The following NRXN3 variants were observed in gnomAD, a reference collection of about 807,000 sequenced individuals.
NRXN3 encodes neurexin 3.
Under a neutral mutation model 137.6 loss-of-function variants are expected in NRXN3, and 32 were observed. That is an observed-to-expected ratio of 0.23 (90% CI 0.18 to 0.31). NRXN3 has a LOEUF of 0.31. Among genes scored for constraint, NRXN3 ranks in the 10% least tolerant of loss-of-function variants. NRXN3 has a pLI of 1.00. For synonymous variants in NRXN3, 798 were observed against 784.5 expected (o/e 1.02, Z -0.29); for missense variants, 1,574 against 2,062.5 (o/e 0.76, Z 4.59).
chr14:78,916,244 C>T (rs1597353247), intron 10 of NRXN3, among the ~76,000 whole-genome samples: 2 of 152,110 alleles, frequency 1.3e-5, no homozygotes, highest in Admixed American at 1.3e-4. Context: ...TATGGTCAAC[C>T]TAATGATACC....
intron 15 of NRXN3, among the ~76,000 whole-genome samples, chr14:79,297,595 C>T (rs752028382): frequency 3.3e-5 from 5 of 151,942 alleles, no homozygotes; most frequent in Admixed American, 1.3e-4. Flanking sequence ...ATTCTGGCAG[C>T]GCATGTAGGC....
chr14:79,581,211 C>G (rs1460672943), intron 16 of NRXN3, among the ~76,000 whole-genome samples: 1 of 152,092 alleles, frequency 6.6e-6, no homozygotes, highest in African/African-American at 2.4e-5. Context: ...TCCTGATTTT[C>G]CAAGTTAGGA....
At chr14:78,678,392 A>G (rs567115558) in intron 6 of NRXN3, among the ~76,000 whole-genome samples, 2 of 151,926 alleles carry the variant, frequency 1.3e-5, no homozygotes, top group African/African-American at 4.8e-5. Context: ...GGCTCAAGCA[A>G]TTGACTCAGC....
chr14:79,092,898 C>T (rs1293632125), intron 15 of NRXN3, among the ~76,000 whole-genome samples: 1 of 152,178 alleles, frequency 6.6e-6, no homozygotes, highest in Non-Finnish European at 1.5e-5. Context: ...GGTCCCCACC[C>T]TGTTACCTTC....
At chr14:79,794,858 C>T (rs1390818864) in intron 19 of NRXN3, among the ~76,000 whole-genome samples, 1 of 152,188 alleles carries the variant, frequency 6.6e-6, no homozygotes, top group African/African-American at 2.4e-5. Flanking sequence ...TGAGGATGAG[C>T]AGCAAGGAAT....
Position 79,375,235 on chromosome 14 carries a change from G to GTTT in NRXN3, c.3263-91972_3263-91970dup, listed in dbSNP as rs35994648. On this transcript the variant is annotated intron_variant, in intron 15 of 20. Transcript: ENST00000335750. ...CTTACCAGTACTTTTGAGTTTTTGT[G>GTTT]TTTTTTTTTTTTTTTTCCTTAAACA... 5.1e-3 allele frequency among the ~76,000 whole-genome samples: 660 copies of GTTT among 129,960 alleles called. 5 individuals are homozygous for GTTT. Among genetic ancestry groups the GTTT allele is most frequent in the African/African-American group, 0.017 (607 of 34,762 alleles). 85.3% of individuals were successfully genotyped at this position (129,960 alleles called of 152,430 possible).
chr14:78,426,834 G>C (rs1373881949), intron 4 of NRXN3, among the ~76,000 whole-genome samples: 1 of 152,022 alleles, frequency 6.6e-6, no homozygotes, highest in Non-Finnish European at 1.5e-5. Flanking sequence ...CTGTATTTTG[G>C]GGTAGTGTGT....
At chr14:78,705,003 C>T (rs1042370895) in intron 6 of NRXN3, among the ~76,000 whole-genome samples, 3 of 152,276 alleles carry the variant, frequency 2.0e-5, no homozygotes, top group Admixed American at 1.3e-4. Context: ...GTTTTACTGT[C>T]TGGTCTCCTA....
At chr14:79,687,414 G>T (rs2098699882) in intron 17 of NRXN3, among the ~76,000 whole-genome samples, 1 of 152,144 alleles carries the variant, frequency 6.6e-6, no homozygotes, top group Non-Finnish European at 1.5e-5. Context: ...TTCTTTGGGG[G>T]AAGAGACATG....
Position 79,149,564 on chromosome 14 carries a change from C to T in NRXN3, c.3262+161423C>T, listed in dbSNP as rs148262475. 3.9e-5 allele frequency among the ~76,000 whole-genome samples: 6 copies of T among 152,122 alleles called. No individual in the cohort carries two copies. In the East Asian group the frequency reaches 1.2e-3, roughly 30 times the overall value. ...ATAAAGAGACATGCATGCGTATATT[C>T]ATTGTGGCACTATTCACAATAGTAA... On this transcript the variant is annotated intron_variant, in intron 15 of 20. Coordinates refer to ENST00000335750, the MANE Select transcript of NRXN3 (RefSeq NM_001330195.2).
At chr14:79,409,643 A>ATATATATC (rs1191764607) in intron 15 of NRXN3, among the ~76,000 whole-genome samples, 7 of 141,286 alleles carry the variant, frequency 5.0e-5, no homozygotes, top group Non-Finnish European at 7.7e-5. Flanking sequence ...ATATATATAT[A>ATATATATC]TCCTCAAAAT....
chr14:79,311,651 G>C lies in NRXN3; in HGVS notation c.3263-155570G>C, dbSNP rs929816924. 2.1e-4 allele frequency among the ~76,000 whole-genome samples: 26 copies of C among 122,932 alleles called. 2 individuals carry two copies. The highest frequency in any genetic ancestry group is 7.5e-4 in the African/African-American group (25 of 33,488). 80.6% of individuals were successfully genotyped at this position (122,932 alleles called of 152,430 possible). On this transcript the variant is annotated intron_variant, in intron 15 of 20. Transcript: ENST00000335750. ...TCTTCAGAAATTCAACTTCTTCCTG[G>C]TTTAGTCTTGGGAGAGTGTATGTGT...
At chr14:79,577,905 T>C (rs2097680285) in intron 16 of NRXN3, among the ~76,000 whole-genome samples, 2 of 152,208 alleles carry the variant, frequency 1.3e-5, no homozygotes, top group Admixed American at 6.5e-5. Flanking sequence ...GTAATGTCCA[T>C]CTTGCCTGGA....
chr14:78,976,953 A>G (rs8012310), intron 14 of NRXN3, among the ~76,000 whole-genome samples: 18,199 of 152,204 alleles, frequency 0.12, 1,484 homozygotes, highest in East Asian at 0.47. Context: ...CTCCATTGTG[A>G]CTACAACCTT....
intron 16 of NRXN3, among the ~76,000 whole-genome samples, chr14:79,541,424 T>C (rs947085977): frequency 7.9e-5 from 12 of 152,162 alleles, no homozygotes; most frequent in Admixed American, 3.9e-4. Context: ...ATACTTGCCA[T>C]TGGATTCAGA....
intron 10 of NRXN3, among the ~76,000 whole-genome samples, chr14:78,927,335 G>A (rs1289486679): frequency 6.6e-6 from 1 of 151,528 alleles, no homozygotes; most frequent in East Asian, 2.0e-4. Flanking sequence ...CTGTAACTTG[G>A]TAATTCTGAG....
chr14:78,459,146 A>G (rs192014830), intron 4 of NRXN3, among the ~76,000 whole-genome samples: 5 of 152,338 alleles, frequency 3.3e-5, no homozygotes, highest in African/African-American at 9.6e-5. Flanking sequence ...ACCTGGTTAT[A>G]TTTTATTGCC....
At chr14:78,734,927 G>T (rs868552781) in intron 8 of NRXN3, among the ~76,000 whole-genome samples, 21 of 152,246 alleles carry the variant, frequency 1.4e-4, no homozygotes, top group African/African-American at 4.3e-4. Flanking sequence ...TAAAAGTAAT[G>T]GCAGACCCTT....
chr14:79,036,189 T>G (rs1174587836), intron 15 of NRXN3, among the ~76,000 whole-genome samples: 1 of 152,062 alleles, frequency 6.6e-6, no homozygotes, highest in African/African-American at 2.4e-5. Context: ...GTTGTTTATA[T>G]GGTATTCAGC....
Sources: gnomAD v4.1 joint callset for allele counts (sites outside exome capture counted in the v4.1 genomes callset) on GRCh38, gnomAD v4.1.1 for gene constraint, MANE v1.5 for transcripts, NCBI Gene and HGNC (gene_info 2026-07-23, HGNC 2026-07-21) for gene names.